ADGRL2: variants seen among roughly 807,000 people sequenced by gnomAD.
ADGRL2 encodes adhesion G protein-coupled receptor L2.
ADGRL2 carries 44 observed loss-of-function variants against 157.4 expected under a neutral mutation model. The ratio of observed to expected loss-of-function variants is 0.28; its 90% CI spans 0.22 to 0.36. The LOEUF (loss-of-function observed/expected upper bound fraction) is 0.36. ADGRL2 is among the 10% of genes least tolerant of loss of function. The pLI is 1.00. For synonymous variants in ADGRL2, 585 were observed against 624.7 expected, an observed-to-expected ratio of 0.94 and a Z score of 0.95; for missense variants, 1,510 against 1,768.9, an observed-to-expected ratio of 0.85 and a Z score of 2.63.
intron 2 of ADGRL2, among the ~76,000 whole-genome samples, chr1:81,558,267 T>C (rs943279444): frequency 1.3e-5 from 2 of 152,240 alleles, no homozygotes; most frequent in East Asian, 1.9e-4. Flanking sequence ...AGGTTTTTTA[T>C]AAAGAAGGAG....
At chr1:81,901,470 G>C (rs1429211835) in intron 2 of ADGRL2, among the ~76,000 whole-genome samples, 1 of 151,986 alleles carries the variant, frequency 6.6e-6, no homozygotes, top group Non-Finnish European at 1.5e-5. Flanking sequence ...GTAGGTCTGG[G>C]ATAGAGCTTC....
chr1:81,580,893 G>C (rs1048000583), exon 3 of ADGRL2: 5 of 152,076 alleles, frequency 3.3e-5, no homozygotes, highest in African/African-American at 1.2e-4. Flanking sequence ...TGTTTCCAAA[G>C]GACATTAATT....
chr1:81,676,063 A>G (rs536420339), intron 3 of ADGRL2, among the ~76,000 whole-genome samples: 46 of 152,080 alleles, frequency 3.0e-4, no homozygotes, highest in Non-Finnish European at 4.9e-4. Flanking sequence ...GTGCAATGGC[A>G]CGATCTCAGC....
At chr1:81,633,459 G>T (rs1226390610) in intron 3 of ADGRL2, among the ~76,000 whole-genome samples, 1 of 151,690 alleles carries the variant, frequency 6.6e-6, no homozygotes, top group Non-Finnish European at 1.5e-5. Context: ...AGCCAGGCAT[G>T]GTGGCACACA....
intron 1 of ADGRL2, among the ~76,000 whole-genome samples, chr1:81,429,506 C>A (rs1212606702): frequency 1.3e-5 from 2 of 152,152 alleles, no homozygotes; most frequent in Non-Finnish European, 2.9e-5. Flanking sequence ...AGCCCACTAG[C>A]CATTGGTTGC....
intron 1 of ADGRL2, among the ~76,000 whole-genome samples, chr1:81,374,153 G>C (rs1438501552): frequency 6.6e-6 from 1 of 152,090 alleles, no homozygotes; most frequent in East Asian, 1.9e-4. Context: ...ATACATATAC[G>C]TGGAGACATG....
intron 2 of ADGRL2, among the ~76,000 whole-genome samples, chr1:81,487,050 T>C (rs1266215165): frequency 1.4e-5 from 2 of 143,236 alleles, no homozygotes; most frequent in African/African-American, 5.2e-5. Context: ...GAGCCAGGAA[T>C]TGGAGACCAG....
At chr1:81,755,148 T>TTATATATATA (rs5775638) in intron 1 of ADGRL2, among the ~76,000 whole-genome samples, 2 of 143,752 alleles carry the variant, frequency 1.4e-5, no homozygotes, top group African/African-American at 5.1e-5. Context: ...ATATATGTGT[T>TTATATATATA]TATATATATA....
chr1:81,833,912 CA>C (rs1045839178), intron 1 of ADGRL2, among the ~76,000 whole-genome samples: 1 of 151,174 alleles, frequency 6.6e-6, no homozygotes, highest in Non-Finnish European at 1.5e-5. Flanking sequence ...ATACTTAGAT[CA>C]AAAAAAATGA....
intron 2 of ADGRL2, among the ~76,000 whole-genome samples, chr1:81,459,703 T>TACAC (rs571747583): frequency 6.6e-6 from 1 of 151,216 alleles, no homozygotes; most frequent in Non-Finnish European, 1.5e-5. Context: ...TATATATATA[T>TACAC]ACACACACAC....
intron 3 of ADGRL2, among the ~76,000 whole-genome samples, chr1:81,615,428 G>A (rs372151150): frequency 1.3e-5 from 2 of 152,172 alleles, no homozygotes; most frequent in East Asian, 1.9e-4. Flanking sequence ...TTGGGTCTAT[G>A]CGCCACCTTT....
chr1:81,689,815 G>T (rs2083297150), intron 3 of ADGRL2, among the ~76,000 whole-genome samples: 1 of 152,158 alleles, frequency 6.6e-6, no homozygotes, highest in Non-Finnish European at 1.5e-5. Flanking sequence ...TGACTGATTT[G>T]CTGTTACAGA....
At chr1:81,439,477 C>T (rs147441726) in intron 1 of ADGRL2, among the ~76,000 whole-genome samples, 9 of 152,314 alleles carry the variant, frequency 5.9e-5, no homozygotes, top group Admixed American at 2.0e-4. Context: ...ACTGGACTCG[C>T]GGCAGGGTTA....
chr1:81,503,661 G>GCT (rs2078905640), intron 2 of ADGRL2, among the ~76,000 whole-genome samples: 1 of 152,192 alleles, frequency 6.6e-6, no homozygotes, highest in Non-Finnish European at 1.5e-5. Context: ...AGAGGCTAGA[G>GCT]GGGCAGGACA....
intron 1 of ADGRL2, among the ~76,000 whole-genome samples, chr1:81,395,152 C>T (rs975461718): frequency 4.6e-5 from 7 of 152,106 alleles, no homozygotes; most frequent in Non-Finnish European, 1.0e-4. Flanking sequence ...CTCAAGTGAT[C>T]CACCCGCTTT....
At chr1:81,794,276 C>T (rs990036431) in intron 2 of ADGRL2, among the ~76,000 whole-genome samples, 39 of 152,058 alleles carry the variant, frequency 2.6e-4, no homozygotes, top group African/African-American at 8.7e-4. Flanking sequence ...CCGTCATTTT[C>T]GGGACAACTA....
intron 2 of ADGRL2, among the ~76,000 whole-genome samples, chr1:81,905,583 A>G (rs559686117): frequency 1.7e-4 from 26 of 152,360 alleles, no homozygotes; most frequent in Non-Finnish European, 3.1e-4. Context: ...CTTGGGTTTT[A>G]AAAACCACAG....
chr1:81,310,342 G>A (rs1254326279), intron 1 of ADGRL2, among the ~76,000 whole-genome samples: 1 of 152,076 alleles, frequency 6.6e-6, no homozygotes, highest in African/African-American at 2.4e-5. Flanking sequence ...GTGAAAAGAT[G>A]AACTATTACG....
chr1:81,395,540 G>C (rs1205027166), intron 1 of ADGRL2, among the ~76,000 whole-genome samples: 5 of 152,116 alleles, frequency 3.3e-5, no homozygotes, highest in African/African-American at 1.2e-4. Flanking sequence ...CTGGGCAGTA[G>C]CATTTCAGTT....
Sources: gnomAD v4.1 joint callset for allele counts (sites outside exome capture counted in the v4.1 genomes callset) on GRCh38, gnomAD v4.1.1 for gene constraint, MANE v1.5 for transcripts, NCBI Gene and HGNC (gene_info 2026-07-23, HGNC 2026-07-21) for gene names.